SENP7: variants seen among roughly 807,000 people sequenced by gnomAD.
SENP7 encodes SUMO specific peptidase 7.
SENP7 carries 64 observed loss-of-function variants against 141.2 expected under a neutral mutation model. The ratio of observed to expected loss-of-function variants is 0.45; its 90% confidence interval spans 0.37 to 0.56. SENP7 has a LOEUF of 0.56. Ranked by LOEUF, SENP7 falls within the 20% of genes least tolerant of loss-of-function variation. The pLI is 0.00. For synonymous variants in SENP7, 382 were observed against 426.4 expected (o/e 0.90, Z 1.28); for missense variants, 1,025 against 1,212.2 (o/e 0.85, Z 2.29).
chr3:101,469,814 G>C (rs1360171692), intron 3 of SENP7, among the ~76,000 whole-genome samples: 2 of 58,424 alleles, frequency 3.4e-5, no homozygotes, highest in African/African-American at 5.8e-5. Flanking sequence ...CTGGGCGACA[G>C]AGCAAGACTC....
chr3:101,439,216 C>T (rs1344335251), intron 4 of SENP7, among the ~76,000 whole-genome samples: 1 of 103,118 alleles, frequency 9.7e-6, no homozygotes, highest in Non-Finnish European at 2.1e-5. Context: ...TGCCTCTGCC[C>T]GGCCGAGACC....
intron 7 of SENP7, among the ~76,000 whole-genome samples, chr3:101,370,134 T>G (rs1445023358): frequency 6.6e-6 from 1 of 152,210 alleles, no homozygotes; most frequent in Non-Finnish European, 1.5e-5. Context: ...CCAGTAGTGG[T>G]ACCTTCAGGG....
At chr3:101,380,553 A>C (rs1016623655) in intron 6 of SENP7, among the ~76,000 whole-genome samples, 4 of 151,416 alleles carry the variant, frequency 2.6e-5, no homozygotes, top group Admixed American at 6.6e-5. Context: ...ACTTGAGGCC[A>C]GGAGTTCAAG....
chr3:101,325,191 G>A lies in SENP7; in HGVS notation c.*752C>T, dbSNP rs1053604915. On this transcript the variant is annotated 3_prime_UTR_variant, in exon 24 of 24. Transcript: ENST00000394095. The stretch of plus-strand genomic sequence containing the variant: ...AGCAGTACCTCAAGTTGAGCTACAT[G>A]TATAATTTTTAAAAAACTATTTTGC... The A allele has an allele frequency of 1.2e-4, 18 of 151,710 alleles. No individual in the cohort carries two copies. The highest frequency in any genetic ancestry group is 1.9e-4 in the Non-Finnish European group (13 of 67,936). 9.4% of individuals were successfully genotyped at this position (151,710 alleles called of 1,614,324 possible).
At chr3:101,512,823 G>GA (rs749720691) in intron 1 of SENP7, among the ~76,000 whole-genome samples, 1 of 152,218 alleles carries the variant, frequency 6.6e-6, no homozygotes, top group Non-Finnish European at 1.5e-5. Context: ...GGGCCGATGA[G>GA]ACGCAAGGAG....
intron 6 of SENP7, among the ~76,000 whole-genome samples, chr3:101,395,363 A>G (rs1037888176): frequency 1.3e-5 from 2 of 152,168 alleles, no homozygotes; most frequent in African/African-American, 2.4e-5. Context: ...ACTCTTCTGC[A>G]TATTTTCCCA....
intron 12 of SENP7, among the ~76,000 whole-genome samples, chr3:101,350,805 T>C (rs967901265): frequency 6.6e-6 from 1 of 152,020 alleles, no homozygotes; most frequent in African/African-American, 2.4e-5. Flanking sequence ...CTTAATAATT[T>C]ATTAATATTT....
intron 4 of SENP7, chr3:101,457,448 G>T: frequency 6.3e-7 from 1 of 1,595,512 alleles, no homozygotes; most frequent in Admixed American, 1.7e-5. Flanking sequence ...GCTTTGTCTC[G>T]GCATGGCCTG....
chr3:101,461,915 T>C (rs1402607234), intron 3 of SENP7, among the ~76,000 whole-genome samples: 3 of 152,154 alleles, frequency 2.0e-5, no homozygotes, highest in Non-Finnish European at 4.4e-5. Context: ...ACACAAAAGA[T>C]CATATATTGA....
chr3:101,468,933 T>C (rs1449725395), intron 3 of SENP7, among the ~76,000 whole-genome samples: 31 of 151,974 alleles, frequency 2.0e-4, no homozygotes, highest in Non-Finnish European at 1.5e-5. Context: ...GAGTCACTGA[T>C]GGGAAGACCC....
intron 12 of SENP7, among the ~76,000 whole-genome samples, chr3:101,348,917 A>G (rs2059542869): frequency 6.6e-6 from 1 of 152,200 alleles, no homozygotes; most frequent in Non-Finnish European, 1.5e-5. Flanking sequence ...ATGGGCACCT[A>G]TTTGAAACAC....
intron 3 of SENP7, among the ~76,000 whole-genome samples, chr3:101,472,177 A>G (rs945321047): frequency 2.6e-5 from 4 of 152,262 alleles, no homozygotes; most frequent in African/African-American, 9.6e-5. Flanking sequence ...ATTATAAATC[A>G]TGCTACTATA....
In SENP7 at chr3:101,343,955, C is replaced by A. The variant is rs1409170451; in HGVS notation, c.1838-1G>T. ...AGGAAAATGAATTCACTAGATTTTG[C>A]TACAAAAGGAAAAAATAATTTGTAT... is the stretch of plus-strand genomic sequence containing the variant. On this transcript the variant is annotated splice_acceptor_variant, in intron 13 of 23. Transcript: ENST00000394095. LOFTEE classifies it high-confidence loss of function. 5.2e-6 allele frequency: 8 copies of A among 1,536,880 alleles called. No individual in the cohort carries two copies. The Admixed American group carries it at 1.0e-4, about 20-fold the overall frequency.
At chr3:101,484,566 G>A (rs1422524764) in intron 3 of SENP7, among the ~76,000 whole-genome samples, 1 of 152,180 alleles carries the variant, frequency 6.6e-6, no homozygotes, top group East Asian at 1.9e-4. Flanking sequence ...TGCCCCAACT[G>A]CGGAAGTGGG....
chr3:101,366,545 A>G lies in SENP7; in HGVS notation c.1203T>C (p.Asp401=), dbSNP rs370822012. 3.5e-5 allele frequency: 56 copies of G among 1,613,692 alleles called. 1 individual carries two copies. The highest frequency in any genetic ancestry group is 2.9e-4 in the East Asian group (13 of 44,880). Residue 401 remains aspartate, a synonymous_variant, in exon 9 of 24, where the codon GAT becomes GAC. Coordinates refer to ENST00000394095, the MANE Select transcript of SENP7 (RefSeq NM_020654.5). ...CAACCAGGGAAGAAATCCCCACAAT[A>G]TCAATGGAATTAGAGTTCTCAACGG... ...TETVENSNSI[D]IVGISSLVEK...
intron 11 of SENP7, among the ~76,000 whole-genome samples, chr3:101,360,437 T>A (rs1342170140): frequency 1.3e-5 from 2 of 152,238 alleles, no homozygotes; most frequent in African/African-American, 4.8e-5. Flanking sequence ...TACCATAATG[T>A]AAAGTAAATA....
intron 4 of SENP7, among the ~76,000 whole-genome samples, chr3:101,438,475 G>C (rs1376560847): frequency 6.6e-6 from 1 of 152,130 alleles, no homozygotes; most frequent in Non-Finnish European, 1.5e-5. Context: ...AAGATGGAAA[G>C]TATTATGGAG....
At chr3:101,430,718 T>C (rs1375108244) in intron 4 of SENP7, among the ~76,000 whole-genome samples, 1 of 152,212 alleles carries the variant, frequency 6.6e-6, no homozygotes, top group Non-Finnish European at 1.5e-5. Context: ...TTTCTCGCCT[T>C]CTTCTAGCTT....
At position 101,343,730 on chromosome 3, in the gene SENP7, C is replaced by G. The variant is rs772510545; in HGVS notation, c.2062G>C (p.Gly688Arg). 1.2e-6 allele frequency: 2 copies of G among 1,613,204 alleles called. No individual in the cohort carries two copies. The highest frequency in any genetic ancestry group is 8.5e-7 in the Non-Finnish European group (1 of 1,179,626). The change falls in exon 14 of 24, where the codon GGT (glycine) becomes CGT (arginine). Residue 688 changes from glycine to arginine, a missense_variant. Around this residue, in one of 4 missense-constraint regions of SENP7, gnomAD observed 295 missense variants for 459.1 expected, o/e 0.64. Coordinates refer to ENST00000394095, the MANE Select transcript of SENP7 (RefSeq NM_020654.5). The stretch of plus-strand genomic sequence containing the variant: ...TTCATTTCTTCAGCAACAGCAACAC[C>G]AGCAGGGAAAGAACAAGTTGAAACA... Reference protein sequence around the residue: ...YCVSTCSFPAGVAVAEEMKLK... With the variant: ...YCVSTCSFPARVAVAEEMKLK...
Sources: gnomAD v4.1 joint callset for allele counts (sites outside exome capture counted in the v4.1 genomes callset) on GRCh38, gnomAD v4.1.1 for gene constraint, gnomAD v4.1.1 regional missense constraint, MANE v1.5 for transcripts, NCBI Gene and HGNC (gene_info 2026-07-23, HGNC 2026-07-21) for gene names.